Variants in XPA observed in about 807,000 individuals in gnomAD.
XPA encodes DNA repair protein complementing XP-A cells.
A neutral mutation model predicts 35.7 loss-of-function variants in XPA; 27 were observed. The observed-to-expected ratio is 0.76, with a 90% CI of 0.56 to 1.04. XPA has a LOEUF of 1.04. XPA is among the 50% of genes least tolerant of loss of function. The probability of loss-of-function intolerance (pLI) is 0.00; values close to 1 mark genes in which losing one functional copy is unlikely to be tolerated. For missense variants in XPA, 354 were observed against 342.7 expected, an observed-to-expected ratio of 1.03 and a Z score of -0.26; for synonymous variants, 133 against 118.4, an observed-to-expected ratio of 1.12 and a Z score of -0.80.
the XPA span, chr9:97,656,166 A>G: frequency 6.0e-6 from 7 of 1,158,020 alleles, no homozygotes. Context: ...TGTGTTCAGA[A>G]TATTGGATTC....
downstream of XPA, chr9:97,670,964 C>CTT: frequency 3.5e-6 from 2 of 565,366 alleles, no homozygotes; most frequent in Non-Finnish European, 3.1e-6. Flanking sequence ...CCTATCAGCA[C>CTT]TTTTTTTTCC....
At chr9:97,659,157 T>C in the XPA span, among the ~76,000 whole-genome samples, 1 of 152,262 alleles carries the variant, frequency 6.6e-6, no homozygotes. Context: ...TTTTCTTACC[T>C]TTTGGTCACA....
chr9:97,662,178 T>C, the XPA span: 6 of 1,533,368 alleles, frequency 3.9e-6, no homozygotes, highest in Non-Finnish European at 5.4e-6. Flanking sequence ...CTTGAGAGTT[T>C]GGAATTTTGC....
chr9:97,663,094 A>T, the XPA span: 1 of 1,412,626 alleles, frequency 7.1e-7, no homozygotes, highest in Non-Finnish European at 9.9e-7. Flanking sequence ...TTGTATGGGT[A>T]TAAAAATAAG....
chr9:97,667,565 G>C, the XPA span, among the ~76,000 whole-genome samples: 1 of 152,112 alleles, frequency 6.6e-6, no homozygotes, highest in African/African-American at 2.4e-5. Context: ...TTTTGTAGAT[G>C]TTATAAAGTG....
At chr9:97,669,550 G>A in the XPA span, 1 of 1,384,952 alleles carries the variant, frequency 7.2e-7, no homozygotes, top group Non-Finnish European at 1.0e-6. Flanking sequence ...CAAAGTATAA[G>A]ATTCTGTCTG....
the XPA span, chr9:97,669,746 A>G: frequency 1.2e-5 from 16 of 1,350,576 alleles, no homozygotes; most frequent in Non-Finnish European, 1.7e-5. Context: ...CACTATTCTC[A>G]GCCACAAAGA....
intron 4 of XPA, among the ~76,000 whole-genome samples, chr9:97,686,602 A>G (rs1402117648): frequency 7.2e-5 from 11 of 152,276 alleles, no homozygotes; most frequent in Admixed American, 2.0e-4. Context: ...ATCACCCAAT[A>G]GCAACAGGTT....
the XPA span, among the ~76,000 whole-genome samples, chr9:97,661,427 C>A: frequency 6.6e-6 from 1 of 152,164 alleles, no homozygotes; most frequent in Non-Finnish European, 1.5e-5. Context: ...TAATGTTTAA[C>A]ATTTACTCAG....
intron 2 of XPA, among the ~76,000 whole-genome samples, chr9:97,692,967 C>CA (rs1277344851): frequency 1.3e-5 from 2 of 151,656 alleles, no homozygotes; most frequent in Non-Finnish European, 2.9e-5. Flanking sequence ...ACAATATAGA[C>CA]ACACATAGAT....
At chr9:97,687,309 C>G (rs1480875744) in intron 3 of XPA, 48 bp from the exon 4 acceptor site, 4 of 1,512,692 alleles carry the variant, frequency 2.6e-6, no homozygotes, top group Non-Finnish European at 3.6e-6. Context: ...TTTAAATAAG[C>G]TAAGTTTGCA....
chr9:97,690,260 G>C (rs1828844633), intron 2 of XPA, among the ~76,000 whole-genome samples: 1 of 152,150 alleles, frequency 6.6e-6, no homozygotes, highest in Non-Finnish European at 1.5e-5. Flanking sequence ...ACCCAGGCTG[G>C]AGTGCAGTGG....
In XPA at chr9:97,680,764, G is replaced by A. The variant is rs897981897; in HGVS notation, c.673+4159C>T. 2.6e-5 allele frequency among the ~76,000 whole-genome samples: 4 copies of A among 152,324 alleles called. No individual in the cohort carries two copies. In the East Asian group the frequency reaches 7.7e-4, roughly 29 times the overall value. On this transcript the variant is annotated intron_variant, in intron 5 of 5. Transcript: ENST00000375128. The stretch of plus-strand genomic sequence containing the variant: ...TACTGCTGAGAATGAGAAGGAGGTA[G>A]TTTTAAAAACAAGGTAAGGCTTTAG...
At chr9:97,671,215 C>G, downstream of XPA, 1 of 1,528,948 alleles carries the variant, frequency 6.5e-7, no homozygotes, top group Non-Finnish European at 9.0e-7. Context: ...ATTTTTTCCT[C>G]ATGTCAAGGT....
At chr9:97,676,736 C>T (rs1162637671) in intron 5 of XPA, among the ~76,000 whole-genome samples, 1 of 152,102 alleles carries the variant, frequency 6.6e-6, no homozygotes, top group Non-Finnish European at 1.5e-5. Flanking sequence ...AACCAAGGCA[C>T]AGAGAAGTTA....
chr9:97,696,135 T>C (rs1384226441), intron 1 of XPA, among the ~76,000 whole-genome samples: 1 of 152,212 alleles, frequency 6.6e-6, no homozygotes, highest in Non-Finnish European at 1.5e-5. Context: ...TCGGTGTTAG[T>C]ATGAACATCA....
At chr9:97,695,218 A>G (rs1056294683) in intron 1 of XPA, among the ~76,000 whole-genome samples, 2 of 144,524 alleles carry the variant, frequency 1.4e-5, no homozygotes, top group Non-Finnish European at 2.9e-5. Flanking sequence ...TTACACCTCC[A>G]TTTATTAAGA....
chr9:97,689,534 C>T lies in XPA; in HGVS notation c.389G>A (p.Arg130Lys), dbSNP rs1324310300. ...HFDLPTCDNCRDADDKHKLIT... is the reference protein window; with the variant it reads ...HFDLPTCDNCKDADDKHKLIT... ...TAAGAACACCATCTAAAATAAGTACCTGCAGTTATCACAAGTTGGCAAATC... is the reference window on the plus strand; with the variant it reads ...TAAGAACACCATCTAAAATAAGTACTTGCAGTTATCACAAGTTGGCAAATC... The change falls in exon 3 of 6, where the codon AGA (arginine) becomes AAA (lysine). Residue 130 changes from arginine to lysine, a missense_variant and splice_region_variant. Arg to Lys is a conservative substitution (Grantham distance 26). Transcript: ENST00000375128. 2.5e-6 allele frequency: 4 copies of T among 1,594,970 alleles called. No individual in the cohort carries two copies. Among genetic ancestry groups the T allele is most frequent in the Middle Eastern group, 1.7e-4 (1 of 6,028 alleles).
chr9:97,689,716 T>C (rs988895087), intron 2 of XPA, 77 bp from the exon 3 acceptor site: 2 of 820,368 alleles, frequency 2.4e-6, no homozygotes, highest in South Asian at 1.5e-5. Context: ...TATTAGCTTA[T>C]CAGCATGTAT....
Sources: allele counts gnomAD v4.1 joint callset (sites outside exome capture counted in the v4.1 genomes callset), GRCh38; gene constraint gnomAD v4.1.1; transcripts MANE v1.5; gene names NCBI Gene and HGNC (gene_info 2026-07-23, HGNC 2026-07-21).